ZNG1E: variants seen among roughly 807,000 people sequenced by gnomAD.
ZNG1E encodes the protein zinc-regulated GTPase metalloprotein activator 1E.
chr9:65,659,494 C>CAAA, the ZNG1E span, among the ~76,000 whole-genome samples: 1,421 of 112,874 alleles, frequency 0.013, 4 homozygotes, highest in African/African-American at 0.031. Context: ...GACTCCGTCT[C>CAAA]AAAAAAAAAA....
At chr9:65,657,933 C>G in the ZNG1E span, among the ~76,000 whole-genome samples, 1 of 152,270 alleles carries the variant, frequency 6.6e-6, no homozygotes, top group East Asian at 1.9e-4. Flanking sequence ...AAACCCATCT[C>G]TACTAAAAAT....
At chr9:65,657,785 G>A in the ZNG1E span, among the ~76,000 whole-genome samples, 1 of 152,288 alleles carries the variant, frequency 6.6e-6, no homozygotes, top group African/African-American at 2.4e-5. Context: ...ACCTGAATTT[G>A]GTTATCACAC....
At chr9:65,662,162 C>T in the ZNG1E span, among the ~76,000 whole-genome samples, 18 of 152,192 alleles carry the variant, frequency 1.2e-4, no homozygotes, top group Non-Finnish European at 2.2e-4. Flanking sequence ...AGTATCCCTG[C>T]CAAAAATATA....
chr9:65,691,245 G>T, the ZNG1E span, among the ~76,000 whole-genome samples: 1 of 148,806 alleles, frequency 6.7e-6, no homozygotes, highest in South Asian at 2.1e-4. Context: ...ATCGTACCTG[G>T]TTAATTTTTG....
At chr9:65,676,804 C>G in the ZNG1E span, among the ~76,000 whole-genome samples, 8,581 of 100,196 alleles carry the variant, frequency 0.086, no homozygotes, top group Non-Finnish European at 0.13. Flanking sequence ...TATGCACTTA[C>G]ACTAGAAGTT....
the ZNG1E span, among the ~76,000 whole-genome samples, chr9:65,709,172 G>T: frequency 3.5e-5 from 5 of 142,852 alleles, no homozygotes; most frequent in African/African-American, 1.3e-4. Flanking sequence ...TAGTGTAAAT[G>T]ATAGTTAACT....
the ZNG1E span, among the ~76,000 whole-genome samples, chr9:65,659,565 G>C: frequency 6.6e-6 from 1 of 151,628 alleles, no homozygotes. Context: ...TGTGTCAGAG[G>C]ATATGAAGTA....
chr9:65,675,404 C>G, the ZNG1E span, among the ~76,000 whole-genome samples: 1 of 150,356 alleles, frequency 6.7e-6, no homozygotes, highest in African/African-American at 2.5e-5. Context: ...TTTGGAATTA[C>G]ATATATAATA....
the ZNG1E span, among the ~76,000 whole-genome samples, chr9:65,665,154 G>A: frequency 4.9e-4 from 74 of 152,360 alleles, no homozygotes; most frequent in Non-Finnish European, 9.3e-4. Context: ...AAGTAACAAG[G>A]AGCTGAATGT....
the ZNG1E span, among the ~76,000 whole-genome samples, chr9:65,660,957 T>C: frequency 1.1e-4 from 16 of 145,488 alleles, no homozygotes; most frequent in Non-Finnish European, 2.2e-4. Flanking sequence ...TGTGATTCAA[T>C]AGGGAATAGG....
chr9:65,705,458 GATATTA>G, the ZNG1E span, among the ~76,000 whole-genome samples: 1 of 148,964 alleles, frequency 6.7e-6, no homozygotes. Flanking sequence ...CAACATAATA[GATATTA>G]ATATTAATAC....
At chr9:65,663,371 A>T in the ZNG1E span, among the ~76,000 whole-genome samples, 1 of 151,582 alleles carries the variant, frequency 6.6e-6, no homozygotes, top group African/African-American at 2.4e-5. Context: ...CTGTAGATGA[A>T]CTTTTCACCT....
chr9:65,687,844 G>T, the ZNG1E span, among the ~76,000 whole-genome samples: 1 of 148,144 alleles, frequency 6.8e-6, no homozygotes, highest in African/African-American at 2.5e-5. Context: ...CTTTATTTTT[G>T]AAATTCAGTA....
chr9:65,721,272 G>A, the ZNG1E span, among the ~76,000 whole-genome samples: 1 of 135,768 alleles, frequency 7.4e-6, no homozygotes, highest in Non-Finnish European at 1.5e-5. Context: ...GCTCAGTACA[G>A]GGCTTGGTGG....
chr9:65,727,790 AC>A, the ZNG1E span, among the ~76,000 whole-genome samples: 1 of 110,368 alleles, frequency 9.1e-6, no homozygotes, highest in South Asian at 3.2e-4. Context: ...ACAGACAGCA[AC>A]ACAATAATAG....
the ZNG1E span, among the ~76,000 whole-genome samples, chr9:65,663,280 C>T: frequency 6.6e-6 from 1 of 152,084 alleles, no homozygotes. Context: ...ACTTATAAAG[C>T]ATGTTTCTTA....
At chr9:65,728,521 G>T in the ZNG1E span, among the ~76,000 whole-genome samples, 2 of 148,498 alleles carry the variant, frequency 1.3e-5, no homozygotes, top group East Asian at 1.9e-4. Context: ...ATAAGCTCAA[G>T]AAATGAAACG....
At chr9:65,709,242 G>GA in the ZNG1E span, among the ~76,000 whole-genome samples, 1 of 147,040 alleles carries the variant, frequency 6.8e-6, no homozygotes, top group South Asian at 2.1e-4. Context: ...CTTTCTATGA[G>GA]AAAATGCATG....
the ZNG1E span, among the ~76,000 whole-genome samples, chr9:65,686,575 G>A: frequency 2.0e-5 from 3 of 152,094 alleles, no homozygotes; most frequent in Non-Finnish European, 4.4e-5. Flanking sequence ...GGCGGAGGTG[G>A]CAGTGAGCTG....
Sources: allele counts gnomAD v4.1 joint callset (sites outside exome capture counted in the v4.1 genomes callset), GRCh38; gene constraint gnomAD v4.1.1; transcripts MANE v1.5; gene names NCBI Gene and HGNC (gene_info 2026-07-23, HGNC 2026-07-21).